The following RUFY2 variants were observed in gnomAD, a reference collection of about 807,000 sequenced individuals.
The protein encoded by RUFY2 is RUN and FYVE domain containing 2.
Under a neutral mutation model 94.4 loss-of-function variants are expected in RUFY2, and 49 were observed. That is an observed-to-expected ratio of 0.52 (90% CI 0.41 to 0.66). The LOEUF (loss-of-function observed/expected upper bound fraction) is 0.66. Ranked by LOEUF, RUFY2 falls within the 30% of genes least tolerant of loss-of-function variation. The pLI, the probability that RUFY2 is intolerant of heterozygous loss-of-function variation, is 0.00. For missense variants in RUFY2, 541 were observed against 692.8 expected, an observed-to-expected ratio of 0.78 and a Z score of 2.46; for synonymous variants, 255 against 235.7, an observed-to-expected ratio of 1.08 and a Z score of -0.75.
At chr10:68,347,987 G>C (rs1417010187) in intron 16 of RUFY2, among the ~76,000 whole-genome samples, 1 of 152,108 alleles carries the variant, frequency 6.6e-6, no homozygotes, top group Non-Finnish European at 1.5e-5. Flanking sequence ...AAGATCACAA[G>C]GTTAATTTCA....
chr10:68,364,769 G>A (rs1589826495), intron 13 of RUFY2, among the ~76,000 whole-genome samples: 1 of 151,112 alleles, frequency 6.6e-6, no homozygotes, highest in Non-Finnish European at 1.5e-5. Context: ...TGCCAGGCTG[G>A]ACTCAAACTC....
chr10:68,399,966 G>T (rs1225419689), intron 3 of RUFY2, among the ~76,000 whole-genome samples: 1 of 151,268 alleles, frequency 6.6e-6, no homozygotes, highest in Non-Finnish European at 1.5e-5. Flanking sequence ...TTTTAGTAAA[G>T]ACAGGCTTTC....
chr10:68,398,414 G>A (rs1171096821), intron 3 of RUFY2, among the ~76,000 whole-genome samples: 1 of 152,118 alleles, frequency 6.6e-6, no homozygotes, highest in East Asian at 1.9e-4. Flanking sequence ...CACTTTGGGA[G>A]GCCAAGGCGG....
At chr10:68,343,187 G>A (rs968143247), downstream of RUFY2, 1 of 152,206 alleles carries the variant, frequency 6.6e-6, no homozygotes, top group African/African-American at 2.4e-5. Flanking sequence ...CATTGTGGGA[G>A]ATAATAGTAT....
downstream of RUFY2, chr10:68,343,164 T>G (rs1408972395): frequency 6.6e-6 from 1 of 152,238 alleles, no homozygotes; most frequent in Non-Finnish European, 1.5e-5. Flanking sequence ...CCAGAAATGT[T>G]ATTAATAAAT....
rs149512993 is a variant in RUFY2, at chr10:68,351,329, G to T, written c.1599+4024C>A. On this transcript the variant is annotated intron_variant, in intron 16 of 17. Coordinates refer to ENST00000602465, the MANE Select transcript of RUFY2 (RefSeq NM_001330103.2). The stretch of plus-strand genomic sequence containing the variant: ...TCTTTTGTATCTATAGTAGAGGTGA[G>T]GTTTCACCATGTTGGCCAAGCTGGT... Among the ~76,000 whole-genome samples the T allele has an allele frequency of 8.2e-3, 1,241 of 151,424 alleles. 17 individuals are homozygous for T. Among genetic ancestry groups the T allele is most frequent in the African/African-American group, 0.028 (1,159 of 41,318 alleles).
intron 11 of RUFY2, 67 bp from the exon 12 acceptor site, chr10:68,379,588 TGC>T (rs2048893548): frequency 3.5e-6 from 4 of 1,127,796 alleles, no homozygotes; most frequent in East Asian, 2.5e-5. Flanking sequence ...TGTGTGTGTG[TGC>T]GTGTTTTTAA....
chr10:68,377,045 TAAAA>T, intron 12 of RUFY2, 73 bp from the exon 13 acceptor site: 1 of 1,560,010 alleles, frequency 6.4e-7, no homozygotes, highest in Non-Finnish European at 8.6e-7. Flanking sequence ...AGAAGACAAA[TAAAA>T]GAAAAATGGG....
At chr10:68,376,804 A>G (rs1427944080) in intron 13 of RUFY2, 49 bp downstream of exon 13, 1 of 1,522,358 alleles carries the variant, frequency 6.6e-7, no homozygotes, top group Non-Finnish European at 9.1e-7. Context: ...CAAAAAAATG[A>G]GGGGGTTATG....
At chr10:68,356,786 T>TA (rs2047081667) in intron 15 of RUFY2, among the ~76,000 whole-genome samples, 1 of 151,194 alleles carries the variant, frequency 6.6e-6, no homozygotes, top group South Asian at 2.1e-4. Flanking sequence ...TGACTTCAAG[T>TA]GATCCACCTG....
rs377508578 is a variant in RUFY2 at position 68,371,281 on chromosome 10, G to T, written c.1325+5572C>A. On this transcript the variant is annotated intron_variant, in intron 13 of 17. Coordinates refer to ENST00000602465, the MANE Select transcript of RUFY2 (RefSeq NM_001330103.2). Reference sequence around the variant, plus strand: ...CTAAAAATACAAAAAAATTAGCCAGGCGTGGTGGTAGGTGCCTATAATCCC... The same window carrying T: ...CTAAAAATACAAAAAAATTAGCCAGTCGTGGTGGTAGGTGCCTATAATCCC... Among the ~76,000 whole-genome samples the T allele has an allele frequency of 5.3e-5, 8 of 152,186 alleles. No homozygotes were observed. The East Asian group carries it at 1.3e-3, about 26-fold the overall frequency.
chr10:68,392,030 T>TC (rs1287588636), intron 7 of RUFY2, among the ~76,000 whole-genome samples: 2 of 118,692 alleles, frequency 1.7e-5, no homozygotes, highest in African/African-American at 5.3e-5. Context: ...CTTTCTTTTC[T>TC]TTTTTTTTTT....
chr10:68,406,433 C>T (rs960568758), intron 1 of RUFY2, among the ~76,000 whole-genome samples: 4 of 152,204 alleles, frequency 2.6e-5, no homozygotes, highest in Non-Finnish European at 4.4e-5. Flanking sequence ...TTTAACACAG[C>T]CCATCATAAT....
intron 10 of RUFY2, 98 bp downstream of exon 10, chr10:68,383,700 C>T: frequency 1.2e-6 from 1 of 861,988 alleles, no homozygotes; most frequent in East Asian, 2.4e-5. Flanking sequence ...CATACCACAC[C>T]AAAAAGGATA....
intron 15 of RUFY2, among the ~76,000 whole-genome samples, chr10:68,360,883 G>T (rs1002714899): frequency 3.6e-5 from 5 of 138,874 alleles, no homozygotes; most frequent in African/African-American, 1.4e-4. Context: ...GGGTGACAGA[G>T]TGAGACCCCG....
At chr10:68,360,897 C>CAACT (rs904989164) in intron 15 of RUFY2, among the ~76,000 whole-genome samples, 45 of 148,636 alleles carry the variant, frequency 3.0e-4, no homozygotes, top group African/African-American at 1.1e-3. Flanking sequence ...GACCCCGTCT[C>CAACT]AAATAAATAA....
chr10:68,376,471 T>TATATATATATATATAC (rs2048670386), intron 13 of RUFY2, among the ~76,000 whole-genome samples: 1 of 39,638 alleles, frequency 2.5e-5, no homozygotes, highest in African/African-American at 9.7e-5. Flanking sequence ...TATATATATA[T>TATATATATATATATAC]ATATATATAT....
intron 13 of RUFY2, 132 bp downstream of exon 13, chr10:68,376,721 T>G: frequency 1.1e-6 from 1 of 888,418 alleles, no homozygotes; most frequent in Non-Finnish European, 1.7e-6. Flanking sequence ...ATTTTTTTGT[T>G]TTTTAAAGTA....
intron 13 of RUFY2, among the ~76,000 whole-genome samples, chr10:68,365,888 G>C (rs771881651): frequency 6.6e-6 from 1 of 152,024 alleles, no homozygotes; most frequent in Non-Finnish European, 1.5e-5. Context: ...AGTAACCAAA[G>C]CACACAGTAC....
Sources: gnomAD v4.1 joint callset for allele counts (sites outside exome capture counted in the v4.1 genomes callset) on GRCh38, gnomAD v4.1.1 for gene constraint, MANE v1.5 for transcripts, NCBI Gene and HGNC (gene_info 2026-07-23, HGNC 2026-07-21) for gene names.